The following CTDSPL2 variants were observed in gnomAD, a reference collection of about 807,000 sequenced individuals.
CTDSPL2 encodes the protein CTD small phosphatase like 2, also known as CTD small phosphatase-like protein 2.
CTDSPL2 carries 5 observed loss-of-function variants against 60.0 expected under a neutral mutation model. The ratio of observed to expected loss-of-function variants is 0.08; its 90% CI spans 0.04 to 0.18. The LOEUF (loss-of-function observed/expected upper bound fraction) is 0.18, where lower values mean the gene tolerates loss of function less well. Among genes scored for constraint, CTDSPL2 ranks in the 10% least tolerant of loss-of-function variants. The pLI, the probability that CTDSPL2 is intolerant of heterozygous loss-of-function variation, is 1.00. For missense variants in CTDSPL2, 370 were observed against 548.8 expected, an observed-to-expected ratio of 0.67 and a Z score of 3.26; for synonymous variants, 186 against 189.3, an observed-to-expected ratio of 0.98 and a Z score of 0.14.
At chr15:44,483,090 C>T (rs1278628525) in intron 2 of CTDSPL2, among the ~76,000 whole-genome samples, 1 of 152,034 alleles carries the variant, frequency 6.6e-6, no homozygotes, top group Non-Finnish European at 1.5e-5. Context: ...GATGCCCTGT[C>T]TCTACTAAGA....
At chr15:44,474,915 A>G (rs962407554) in intron 2 of CTDSPL2, among the ~76,000 whole-genome samples, 1 of 152,092 alleles carries the variant, frequency 6.6e-6, no homozygotes, top group African/African-American at 2.4e-5. Flanking sequence ...GTTACTATAT[A>G]CACCGTTGCT....
At chr15:44,506,248 TTGAACTCCTCACCTCAAG>T (rs1555439117) in intron 8 of CTDSPL2, among the ~76,000 whole-genome samples, 1 of 151,820 alleles carries the variant, frequency 6.6e-6, no homozygotes, top group Non-Finnish European at 1.5e-5. Context: ...CAGGCTGGTC[TTGAACTCCTCACCTCAAG>T]TGATCTGCCC....
intron 1 of CTDSPL2, among the ~76,000 whole-genome samples, chr15:44,432,245 A>G (rs2079874403): frequency 6.6e-6 from 1 of 152,186 alleles, no homozygotes; most frequent in South Asian, 2.1e-4. Context: ...GAAGGTCACA[A>G]TAGGCCAGTT....
chr15:44,478,879 G>A (rs1298643061), intron 2 of CTDSPL2, among the ~76,000 whole-genome samples: 1 of 152,106 alleles, frequency 6.6e-6, no homozygotes, highest in Non-Finnish European at 1.5e-5. Context: ...CTACTTGGGA[G>A]GCTGAGGCAG....
chr15:44,448,733 C>T (rs554555347), intron 1 of CTDSPL2: 7 of 341,982 alleles, frequency 2.0e-5, no homozygotes, highest in African/African-American at 8.9e-5. Context: ...TGATTGGCAT[C>T]GATAGTCTGC....
intron 2 of CTDSPL2, among the ~76,000 whole-genome samples, chr15:44,463,141 G>GTTGATTGA (rs770677666): frequency 6.6e-6 from 1 of 151,896 alleles, no homozygotes; most frequent in Non-Finnish European, 1.5e-5. Flanking sequence ...GTAAGCTAAT[G>GTTGATTGA]TTGATTGATT....
intron 2 of CTDSPL2, among the ~76,000 whole-genome samples, chr15:44,481,705 C>G (rs2081029880): frequency 6.6e-6 from 1 of 152,166 alleles, no homozygotes; most frequent in Non-Finnish European, 1.5e-5. Context: ...TCCCAAGTAG[C>G]TGGGATTACA....
chr15:44,461,034 T>TA (rs2140704364), intron 2 of CTDSPL2, among the ~76,000 whole-genome samples: 1 of 152,340 alleles, frequency 6.6e-6, no homozygotes, highest in South Asian at 2.1e-4. Context: ...TGTGTTTCCT[T>TA]ACATGTGCAA....
At chr15:44,435,567 C>G (rs1199330855) in intron 1 of CTDSPL2, among the ~76,000 whole-genome samples, 1 of 137,392 alleles carries the variant, frequency 7.3e-6, no homozygotes, top group African/African-American at 2.7e-5. Context: ...AACTCTGTCT[C>G]AAAACCAAAA....
At chr15:44,452,072 C>G (rs551104565) in intron 1 of CTDSPL2, among the ~76,000 whole-genome samples, 1 of 152,164 alleles carries the variant, frequency 6.6e-6, no homozygotes, top group East Asian at 1.9e-4. Flanking sequence ...AATCATGAAA[C>G]AGTTTATTTT....
chr15:44,521,501 TA>T, intron 12 of CTDSPL2, 95 bp downstream of exon 12: 2 of 662,424 alleles, frequency 3.0e-6, no homozygotes, highest in Non-Finnish European at 4.9e-6. Flanking sequence ...TGTACTGACT[TA>T]TAAAGTCAAC....
intron 2 of CTDSPL2, 50 bp downstream of exon 2, chr15:44,459,250 G>T: frequency 7.2e-7 from 1 of 1,396,954 alleles, no homozygotes; most frequent in African/African-American, 1.5e-5. Flanking sequence ...AAAATTGGCC[G>T]GGCACGGTGG....
intron 2 of CTDSPL2, among the ~76,000 whole-genome samples, chr15:44,483,018 T>TG (rs2081055147): frequency 1.3e-5 from 2 of 152,094 alleles, no homozygotes; most frequent in East Asian, 3.9e-4. Context: ...CCCAGCACTT[T>TG]GGGAGGCCGA....
chr15:44,517,100 A>G (rs1290353903), intron 10 of CTDSPL2, among the ~76,000 whole-genome samples: 1 of 151,512 alleles, frequency 6.6e-6, no homozygotes, highest in Non-Finnish European at 1.5e-5. Flanking sequence ...GGCCTCCCAA[A>G]GTGCTGGGAT....
chr15:44,497,359 C>G (rs1056293296), intron 7 of CTDSPL2, among the ~76,000 whole-genome samples: 8 of 152,144 alleles, frequency 5.3e-5, no homozygotes, highest in African/African-American at 1.7e-4. Flanking sequence ...TTAATAGTCT[C>G]AAAAGCACAA....
At chr15:44,431,511 T>C (rs923717461) in intron 1 of CTDSPL2, among the ~76,000 whole-genome samples, 1 of 152,202 alleles carries the variant, frequency 6.6e-6, no homozygotes, top group Non-Finnish European at 1.5e-5. Flanking sequence ...CCTAACTTTA[T>C]TTATATCTCT....
chr15:44,523,357 C>G (rs1488015292), intron 12 of CTDSPL2, among the ~76,000 whole-genome samples: 1 of 152,048 alleles, frequency 6.6e-6, no homozygotes, highest in African/African-American at 2.4e-5. Context: ...GAGTTTGAGA[C>G]TAGCCAGGGC....
At chr15:44,519,129 AAGTTT>A in intron 10 of CTDSPL2, 35 bp from the exon 11 acceptor site, 1 of 1,334,628 alleles carries the variant, frequency 7.5e-7, no homozygotes, top group Non-Finnish European at 9.8e-7. Context: ...ACTTTTTAGA[AAGTTT>A]TTTTTTTTTA....
intron 11 of CTDSPL2, chr15:44,520,370 A>G (rs2081744526): frequency 6.6e-6 from 1 of 151,904 alleles, no homozygotes; most frequent in African/African-American, 2.4e-5. Context: ...GCTGGTCTCG[A>G]ACTTCTGACC....
Sources: allele counts gnomAD v4.1 joint callset (sites outside exome capture counted in the v4.1 genomes callset), GRCh38; gene constraint gnomAD v4.1.1; transcripts MANE v1.5; gene names NCBI Gene and HGNC (gene_info 2026-07-23, HGNC 2026-07-21).